ANXA8: variants seen among roughly 807,000 people sequenced by gnomAD.
ANXA8 encodes VAC-beta.
In ANXA8, 9 loss-of-function variants were observed where a neutral mutation model predicts 26.8. The ratio of observed to expected loss-of-function variants is 0.34; its 90% confidence interval spans 0.20 to 0.59. The LOEUF (loss-of-function observed/expected upper bound fraction) is 0.59, where lower values mean the gene tolerates loss of function less well. Ranked by LOEUF, ANXA8 falls within the 20% of genes least tolerant of loss-of-function variation. ANXA8 has a pLI of 0.84. For synonymous variants in ANXA8, 39 were observed against 94.8 expected (o/e 0.41, Z 3.42); for missense variants, 83 against 238.5 (o/e 0.35, Z 4.29).
the ANXA8 span, among the ~76,000 whole-genome samples, chr10:47,974,901 G>A: frequency 1.3e-5 from 2 of 149,340 alleles, no homozygotes; most frequent in Non-Finnish European, 3.0e-5. Context: ...TGTCTATGAG[G>A]CCCTTGTAGA....
At chr10:47,578,019 AG>A in the ANXA8 span, among the ~76,000 whole-genome samples, 3,018 of 29,204 alleles carry the variant, frequency 0.1, 237 homozygotes, top group Non-Finnish European at 0.14. Flanking sequence ...AAAAAAAAAA[AG>A]AAAAAGAATG....
At chr10:47,520,946 A>AG in the ANXA8 span, among the ~76,000 whole-genome samples, 3 of 123,532 alleles carry the variant, frequency 2.4e-5, no homozygotes, top group Non-Finnish European at 4.8e-5. Context: ...TTTAAAAGAC[A>AG]GTCTATTTTA....
the ANXA8 span, among the ~76,000 whole-genome samples, chr10:47,769,858 G>A: frequency 6.6e-6 from 1 of 152,146 alleles, no homozygotes; most frequent in African/African-American, 2.4e-5. Context: ...GAATTCCTGA[G>A]ACTGGGTAAT....
the ANXA8 span, among the ~76,000 whole-genome samples, chr10:47,733,977 A>T: frequency 6.6e-6 from 1 of 152,264 alleles, no homozygotes; most frequent in Non-Finnish European, 1.5e-5. Flanking sequence ...AAATGGACTT[A>T]CCAGGCAGGG....
chr10:47,751,039 A>C, the ANXA8 span: 1 of 148,738 alleles, frequency 6.7e-6, no homozygotes, highest in Non-Finnish European at 1.5e-5. Context: ...AAATCTTTTT[A>C]ACAGCTTGAG....
chr10:47,756,622 G>A, the ANXA8 span, among the ~76,000 whole-genome samples: 1 of 152,236 alleles, frequency 6.6e-6, no homozygotes, highest in Non-Finnish European at 1.5e-5. Context: ...ACAGTGGAAG[G>A]TCTGGATCCT....
At chr10:47,552,436 T>TA in the ANXA8 span, among the ~76,000 whole-genome samples, 1 of 151,974 alleles carries the variant, frequency 6.6e-6, no homozygotes, top group East Asian at 1.9e-4. Context: ...AACCAGAACT[T>TA]AAATTTCAAT....
At chr10:47,756,662 C>CACAA in the ANXA8 span, among the ~76,000 whole-genome samples, 1 of 152,308 alleles carries the variant, frequency 6.6e-6, no homozygotes, top group Non-Finnish European at 1.5e-5. Flanking sequence ...CAGATGTGAA[C>CACAA]ACAAACAGGT....
At chr10:47,658,020 A>T in the ANXA8 span, among the ~76,000 whole-genome samples, 1 of 151,778 alleles carries the variant, frequency 6.6e-6, no homozygotes, top group Non-Finnish European at 1.5e-5. Flanking sequence ...TCGTCTCTAG[A>T]ACATGTGAAG....
chr10:47,560,874 G>C, the ANXA8 span, among the ~76,000 whole-genome samples: 1 of 151,712 alleles, frequency 6.6e-6, no homozygotes, highest in African/African-American at 2.4e-5. Context: ...GCAGTGACCT[G>C]AGCGTAGCTC....
chr10:47,736,553 A>C, the ANXA8 span, among the ~76,000 whole-genome samples: 1 of 145,722 alleles, frequency 6.9e-6, no homozygotes, highest in East Asian at 2.0e-4. Context: ...AGTTTTCCAC[A>C]CTCTCTCTAA....
the ANXA8 span, among the ~76,000 whole-genome samples, chr10:47,637,333 T>C: frequency 6.7e-6 from 1 of 148,604 alleles, no homozygotes; most frequent in South Asian, 2.1e-4. Flanking sequence ...AGTCTCGTTG[T>C]TATAAATGAA....
chr10:47,761,142 G>A, the ANXA8 span, among the ~76,000 whole-genome samples: 354 of 149,732 alleles, frequency 2.4e-3, 1 homozygote, highest in African/African-American at 6.8e-3. Flanking sequence ...GTGGGATTTG[G>A]AGAAGGAACA....
chr10:47,898,811 A>AGTTTTTTT, the ANXA8 span, among the ~76,000 whole-genome samples: 1 of 56,262 alleles, frequency 1.8e-5, no homozygotes, highest in African/African-American at 8.6e-5. Flanking sequence ...AAGAGAATGG[A>AGTTTTTTT]TTTTTTTTTT....
At chr10:47,718,399 G>A in the ANXA8 span, among the ~76,000 whole-genome samples, 2 of 130,616 alleles carry the variant, frequency 1.5e-5, no homozygotes, top group African/African-American at 6.0e-5. Context: ...TTGTGCCCAG[G>A]GAGGTTGAGA....
chr10:47,523,960 C>T, the ANXA8 span, among the ~76,000 whole-genome samples: 1 of 150,516 alleles, frequency 6.6e-6, no homozygotes, highest in African/African-American at 2.4e-5. Context: ...ACAATGCCCT[C>T]CCCGACACCT....
the ANXA8 span, among the ~76,000 whole-genome samples, chr10:47,584,116 C>T: frequency 1.3e-5 from 2 of 148,378 alleles, 1 homozygote; most frequent in African/African-American, 5.2e-5. Context: ...AAGGTTGAAG[C>T]TATAGTGAGC....
the ANXA8 span, among the ~76,000 whole-genome samples, chr10:47,775,259 G>T: frequency 7.9e-6 from 1 of 126,540 alleles, no homozygotes; most frequent in Middle Eastern, 4.9e-3. Context: ...TGTAATCCCA[G>T]CTACTCAGGA....
chr10:47,956,079 C>T, the ANXA8 span: 1 of 49,580 alleles, frequency 2.0e-5, no homozygotes. Context: ...CTTGTCCTAC[C>T]AGATGGTCTT....
Sources: allele counts gnomAD v4.1 joint callset (sites outside exome capture counted in the v4.1 genomes callset), GRCh38; gene constraint gnomAD v4.1.1; transcripts MANE v1.5; gene names NCBI Gene and HGNC (gene_info 2026-07-23, HGNC 2026-07-21).